The following RHBDD1 variants were observed in gnomAD, a reference collection of about 807,000 sequenced individuals.
RHBDD1 encodes the protein rhomboid domain containing 1.
In RHBDD1, 38 loss-of-function variants were observed where a neutral mutation model predicts 36.3. The observed-to-expected ratio is 1.05, with a 90% confidence interval of 0.81 to 1.37. RHBDD1 has a LOEUF of 1.37. Among genes scored for constraint, RHBDD1 ranks in the 40% most tolerant of loss-of-function variants. RHBDD1 has a pLI of 0.00. For synonymous variants in RHBDD1, 151 were observed against 136.5 expected (o/e 1.11, Z -0.74); for missense variants, 393 against 377.6 (o/e 1.04, Z -0.34).
At chr2:226,876,463 A>G (rs1945250718) in intron 5 of RHBDD1, among the ~76,000 whole-genome samples, 1 of 152,212 alleles carries the variant, frequency 6.6e-6, no homozygotes. Flanking sequence ...CTCTTTACGT[A>G]TATTATCACA....
At chr2:226,955,562 A>G (rs1041091349) in intron 8 of RHBDD1, among the ~76,000 whole-genome samples, 1 of 152,184 alleles carries the variant, frequency 6.6e-6, no homozygotes, top group Non-Finnish European at 1.5e-5. Flanking sequence ...ATGTATTTGC[A>G]TGCTAGGGAG....
intron 8 of RHBDD1, among the ~76,000 whole-genome samples, chr2:226,982,759 T>TAGC (rs1956058503): frequency 6.6e-6 from 1 of 152,220 alleles, no homozygotes; most frequent in Non-Finnish European, 1.5e-5. Context: ...AGCTTGTTCT[T>TAGC]TCATTCATTC....
chr2:226,990,873 A>C (rs1174194681), intron 8 of RHBDD1, among the ~76,000 whole-genome samples: 1 of 152,142 alleles, frequency 6.6e-6, no homozygotes, highest in East Asian at 1.9e-4. Context: ...AAGGCTCATA[A>C]ATACTCATAT....
chr2:226,977,346 T>C (rs931655958), intron 8 of RHBDD1, among the ~76,000 whole-genome samples: 1 of 152,214 alleles, frequency 6.6e-6, no homozygotes, highest in Admixed American at 6.5e-5. Context: ...TTTTCAGCCT[T>C]GTCTGCCCCA....
intron 2 of RHBDD1, 126 bp from the exon 3 acceptor site, chr2:226,839,283 A>G (rs1941351171): frequency 6.6e-6 from 1 of 152,240 alleles, no homozygotes; most frequent in Non-Finnish European, 1.5e-5. Context: ...TTAGATACGT[A>G]CATGTATATG....
At chr2:226,943,587 A>G (rs1481582903) in intron 8 of RHBDD1, among the ~76,000 whole-genome samples, 1 of 152,228 alleles carries the variant, frequency 6.6e-6, no homozygotes, top group Non-Finnish European at 1.5e-5. Context: ...AGTGACATCT[A>G]TATAGAACAC....
intron 8 of RHBDD1, among the ~76,000 whole-genome samples, chr2:226,981,233 G>A (rs1955661982): frequency 6.6e-6 from 1 of 152,166 alleles, no homozygotes; most frequent in Non-Finnish European, 1.5e-5. Flanking sequence ...GAGGGATGGG[G>A]GAGGGATAGC....
chr2:226,915,455 A>C (rs2125715696), intron 8 of RHBDD1, among the ~76,000 whole-genome samples: 1 of 152,234 alleles, frequency 6.6e-6, no homozygotes, highest in Admixed American at 6.5e-5. Flanking sequence ...AAGTGGATTT[A>C]GTGTGTGGTA....
At chr2:226,995,144 A>C (rs552130131) in intron 8 of RHBDD1, among the ~76,000 whole-genome samples, 1 of 152,328 alleles carries the variant, frequency 6.6e-6, no homozygotes, top group South Asian at 2.1e-4. Context: ...GTAAGCCTAA[A>C]TGATGCAAAT....
At chr2:226,801,584 A>G in the RHBDD1 span, among the ~76,000 whole-genome samples, 1 of 152,060 alleles carries the variant, frequency 6.6e-6, no homozygotes, top group African/African-American at 2.4e-5. Context: ...TAATTTGAGT[A>G]CACATGTTGA....
chr2:226,842,671 C>CT (rs1941794807), intron 3 of RHBDD1, among the ~76,000 whole-genome samples: 1 of 152,146 alleles, frequency 6.6e-6, no homozygotes, highest in African/African-American at 2.4e-5. Context: ...CAGTACCATG[C>CT]TGTTTTCGTT....
At chr2:226,931,187 C>A (rs1214158017) in intron 8 of RHBDD1, among the ~76,000 whole-genome samples, 1 of 152,030 alleles carries the variant, frequency 6.6e-6, no homozygotes, top group Non-Finnish European at 1.5e-5. Flanking sequence ...ATTATGCACA[C>A]CTGCATGCAT....
intron 8 of RHBDD1, among the ~76,000 whole-genome samples, chr2:226,936,338 T>C (rs1010670079): frequency 6.6e-6 from 1 of 152,164 alleles, no homozygotes; most frequent in African/African-American, 2.4e-5. Context: ...TGTACTTATA[T>C]CTACCTATAC....
chr2:226,904,334 G>T (rs1947849555), intron 5 of RHBDD1, among the ~76,000 whole-genome samples: 1 of 149,562 alleles, frequency 6.7e-6, no homozygotes, highest in South Asian at 2.1e-4. Flanking sequence ...GCCCATCTGT[G>T]TGCTCCCCTT....
intron 8 of RHBDD1, among the ~76,000 whole-genome samples, chr2:226,924,005 G>A (rs913239606): frequency 6.6e-6 from 1 of 152,056 alleles, no homozygotes; most frequent in Non-Finnish European, 1.5e-5. Context: ...ACCCTGCTGT[G>A]GCCAAGCTGG....
At chr2:226,969,989 T>TCCCC (rs34121580) in intron 8 of RHBDD1, among the ~76,000 whole-genome samples, 1 of 111,918 alleles carries the variant, frequency 8.9e-6, no homozygotes, top group African/African-American at 3.5e-5. Flanking sequence ...TTTACAACTG[T>TCCCC]CCCCCCCCCC....
At chr2:226,817,417 G>A in the RHBDD1 span, among the ~76,000 whole-genome samples, 1 of 152,130 alleles carries the variant, frequency 6.6e-6, no homozygotes, top group East Asian at 1.9e-4. Context: ...AAATAACTGG[G>A]CACCGATCAG....
intron 5 of RHBDD1, among the ~76,000 whole-genome samples, chr2:226,884,856 T>G (rs546221124): frequency 3.3e-5 from 5 of 152,246 alleles, no homozygotes; most frequent in Non-Finnish European, 4.4e-5. Flanking sequence ...AAATTTTAAT[T>G]TCTAAGCATA....
At chr2:226,980,033 G>A (rs1955375435) in intron 8 of RHBDD1, among the ~76,000 whole-genome samples, 1 of 152,146 alleles carries the variant, frequency 6.6e-6, no homozygotes, top group Admixed American at 6.5e-5. Flanking sequence ...GGGCTTGTGT[G>A]ACTAACCAGA....
Sources: allele counts gnomAD v4.1 joint callset (sites outside exome capture counted in the v4.1 genomes callset), GRCh38; gene constraint gnomAD v4.1.1; transcripts MANE v1.5; gene names NCBI Gene and HGNC (gene_info 2026-07-23, HGNC 2026-07-21).